GAS7: variants seen among roughly 807,000 people sequenced by gnomAD.
GAS7 encodes the protein growth arrest specific 7.
In GAS7, 28 loss-of-function variants were observed where a neutral mutation model predicts 71.1. That is an observed-to-expected ratio of 0.39 (90% CI 0.29 to 0.54). The LOEUF (loss-of-function observed/expected upper bound fraction) is 0.54, where lower values mean the gene tolerates loss of function less well. GAS7 is among the 20% of genes least tolerant of loss of function. The pLI is 0.62. For missense variants in GAS7, 436 were observed against 627.8 expected (o/e 0.69, Z 3.27); for synonymous variants, 258 against 245.8 (o/e 1.05, Z -0.46).
intron 1 of GAS7, among the ~76,000 whole-genome samples, chr17:10,193,411 C>A (rs2142157169): frequency 1.3e-5 from 2 of 152,282 alleles, no homozygotes; most frequent in Middle Eastern, 3.4e-3. Context: ...TGTATGTTCT[C>A]CCTAGCCTTC....
intron 1 of GAS7, among the ~76,000 whole-genome samples, chr17:10,076,097 G>C (rs62065849): frequency 7.2e-6 from 1 of 138,204 alleles, no homozygotes; most frequent in African/African-American, 2.7e-5. Flanking sequence ...AGAGGGAAGG[G>C]AAAGTGGAGG....
rs1010445928 is a variant in GAS7, at chr17:9,915,886, G to A, written c.*1342C>T. The A allele has an allele frequency of 7.8e-5, 18 of 232,194 alleles. No individual in the cohort carries two copies. Among genetic ancestry groups the A allele is most frequent in the African/African-American group, 4.0e-4 (18 of 45,298 alleles). 14.4% of individuals were successfully genotyped at this position (232,194 alleles called of 1,614,324 possible). ...TTGCTGTGGTAGAGAAAGGGAGAAA[G>A]TAATGAGCTGGGCCAAACAGCAGCA... On this transcript the variant is annotated 3_prime_UTR_variant, in exon 14 of 14. Transcript: ENST00000432992.
At chr17:10,076,476 A>G (rs1007215029) in intron 1 of GAS7, among the ~76,000 whole-genome samples, 2 of 149,258 alleles carry the variant, frequency 1.3e-5, no homozygotes, top group African/African-American at 4.9e-5. Flanking sequence ...AGGAAAAGAA[A>G]GGAGAAAGGA....
At chr17:9,918,847 AG>A (rs1305020425) in intron 12 of GAS7, among the ~76,000 whole-genome samples, 2 of 152,132 alleles carry the variant, frequency 1.3e-5, no homozygotes, top group Non-Finnish European at 2.9e-5. Flanking sequence ...TTAATCAGAA[AG>A]GGGGGTAAAG....
chr17:10,036,863 ACC>A, intron 1 of GAS7: 1 of 376,940 alleles, frequency 2.7e-6, no homozygotes, highest in Non-Finnish European at 3.9e-6. Flanking sequence ...GATGCCTCCC[ACC>A]CCCAGGCCTG....
intron 1 of GAS7, among the ~76,000 whole-genome samples, chr17:10,188,020 G>A (rs1450876619): frequency 1.3e-5 from 2 of 152,122 alleles, no homozygotes; most frequent in Non-Finnish European, 2.9e-5. Flanking sequence ...GAGGCAGGTG[G>A]ATCATTTGAG....
At chr17:10,171,679 G>C (rs1288752333) in intron 1 of GAS7, among the ~76,000 whole-genome samples, 1 of 152,306 alleles carries the variant, frequency 6.6e-6, no homozygotes, top group South Asian at 2.1e-4. Context: ...CAGGCAGTCC[G>C]TGTAAGGGAC....
chr17:10,163,824 C>T (rs1206880985), intron 1 of GAS7, among the ~76,000 whole-genome samples: 1 of 152,108 alleles, frequency 6.6e-6, no homozygotes, highest in African/African-American at 2.4e-5. Flanking sequence ...TCTGGGTGCC[C>T]TTAGGTCAGT....
At chr17:10,061,615 C>T (rs17810635) in intron 1 of GAS7, among the ~76,000 whole-genome samples, 18,103 of 152,254 alleles carry the variant, frequency 0.12, 1,119 homozygotes, top group East Asian at 0.16. Flanking sequence ...TCTTTTCTAG[C>T]TTCGTCCAAA....
chr17:10,172,809 T>C (rs750812878), intron 1 of GAS7, among the ~76,000 whole-genome samples: 4 of 152,242 alleles, frequency 2.6e-5, no homozygotes, highest in Non-Finnish European at 5.9e-5. Context: ...CCTTTTCCAT[T>C]GCCAGTAACC....
chr17:10,048,694 G>A (rs1392629479), intron 1 of GAS7, among the ~76,000 whole-genome samples: 1 of 152,214 alleles, frequency 6.6e-6, no homozygotes, highest in African/African-American at 2.4e-5. Flanking sequence ...CAAGTTGTAT[G>A]AGTATTTCAA....
In GAS7 at chr17:10,103,645, G is replaced by T. The variant is rs555914093; in HGVS notation, c.184-83748C>A. Among the ~76,000 whole-genome samples, 3 of 152,162 alleles carry T rather than the reference G, an allele frequency of 2.0e-5. No individual in the cohort carries two copies. In the South Asian group the frequency reaches 6.2e-4, roughly 32 times the overall value. ...GTTCAAGACCAGCCTGGCCAACATG[G>T]AGAAACCCCGTCTCTACCAAAAATA... On this transcript the variant is annotated intron_variant, in intron 1 of 13. Transcript: ENST00000432992. This position sits in a 1 kb window ranked among gnomAD's most constrained non-coding sequence, Gnocchi z 5.5.
rs182746001 is a variant in GAS7 at position 9,981,120 on chromosome 17, C to T, written c.385+684G>A. On this transcript the variant is annotated intron_variant, in intron 3 of 13. Coordinates refer to ENST00000432992, the MANE Select transcript of GAS7 (RefSeq NM_201433.2). The surrounding 1 kb of genome is among the most constrained non-coding windows in gnomAD (Gnocchi z 4.4). The stretch of plus-strand genomic sequence containing the variant: ...CAGCCTGGCCAACATGGCGAAATCC[C>T]GTCTCTACTAAAAATACACAAATTA... Among the ~76,000 whole-genome samples the T allele has an allele frequency of 3.3e-5, 5 of 152,080 alleles. No homozygotes were observed. Among genetic ancestry groups the T allele is most frequent in the East Asian group, 1.9e-4 (1 of 5,166 alleles).
intron 2 of GAS7, among the ~76,000 whole-genome samples, chr17:10,013,299 C>T (rs2071852474): frequency 6.6e-6 from 1 of 152,126 alleles, no homozygotes; most frequent in African/African-American, 2.4e-5. Context: ...ATAAGTCATC[C>T]AGTCTATGGC....
At chr17:10,159,060 T>C (rs55668793) in intron 1 of GAS7, among the ~76,000 whole-genome samples, 1 of 14 alleles carries the variant, frequency 0.071, no homozygotes. Flanking sequence ...ACACTGTCTC[T>C]AAAACATATA....
intron 1 of GAS7, among the ~76,000 whole-genome samples, chr17:10,077,291 T>C (rs1284728303): frequency 6.6e-6 from 1 of 152,202 alleles, no homozygotes; most frequent in Admixed American, 6.5e-5. Context: ...GAAAACGGGC[T>C]GTTTATATCC....
intron 1 of GAS7, among the ~76,000 whole-genome samples, chr17:10,196,896 G>T (rs781711662): frequency 1.3e-5 from 2 of 152,198 alleles, no homozygotes; most frequent in Non-Finnish European, 2.9e-5. Flanking sequence ...GCACACCTGA[G>T]CCTCTCCTAC....
chr17:9,947,324 C>T (rs753538719), intron 5 of GAS7, among the ~76,000 whole-genome samples: 17 of 152,162 alleles, frequency 1.1e-4, no homozygotes, highest in Admixed American at 2.6e-4. Context: ...TTCACGACAG[C>T]GCTATTTATG....
At chr17:10,145,709 G>C (rs192599603) in intron 1 of GAS7, among the ~76,000 whole-genome samples, 3 of 152,164 alleles carry the variant, frequency 2.0e-5, no homozygotes, top group African/African-American at 7.2e-5. Flanking sequence ...TGGGCCAGGT[G>C]GGGGAGGTGG....
Sources: gnomAD v4.1 joint callset for allele counts (sites outside exome capture counted in the v4.1 genomes callset) on GRCh38, gnomAD v4.1.1 for gene constraint, Gnocchi (gnomAD v3.1) non-coding constraint, MANE v1.5 for transcripts, NCBI Gene and HGNC (gene_info 2026-07-23, HGNC 2026-07-21) for gene names.